Variants in PGAP1 observed in about 807,000 individuals in gnomAD.
The protein encoded by PGAP1 is GPI inositol-deacylase.
In PGAP1, 76 loss-of-function variants were observed where a neutral mutation model predicts 127.0. The ratio of observed to expected loss-of-function variants is 0.60; its 90% CI spans 0.50 to 0.72. The LOEUF (loss-of-function observed/expected upper bound fraction) is 0.72, where lower values mean the gene tolerates loss of function less well. Ranked by LOEUF, PGAP1 falls within the 30% of genes least tolerant of loss-of-function variation. The probability of loss-of-function intolerance (pLI) is 0.00; values close to 1 mark genes in which losing one functional copy is unlikely to be tolerated. For synonymous variants in PGAP1, 362 were observed against 366.5 expected (o/e 0.99, Z 0.14); for missense variants, 982 against 1,071.3 (o/e 0.92, Z 1.16).
At chr2:196,866,809 G>A (rs1701257218) in intron 19 of PGAP1, among the ~76,000 whole-genome samples, 1 of 151,934 alleles carries the variant, frequency 6.6e-6, no homozygotes, top group Non-Finnish European at 1.5e-5. Context: ...AGTGGGCAAA[G>A]GATATGAACA....
At chr2:196,914,354 C>G (rs1197968472) in intron 3 of PGAP1, among the ~76,000 whole-genome samples, 1 of 152,176 alleles carries the variant, frequency 6.6e-6, no homozygotes, top group Non-Finnish European at 1.5e-5. Flanking sequence ...GGTCCGGTGG[C>G]TCACACCTGT....
chr2:196,885,311 A>G (rs896902889), intron 12 of PGAP1, 113 bp downstream of exon 12: 11 of 663,000 alleles, frequency 1.7e-5, no homozygotes, highest in Non-Finnish European at 2.8e-5. Flanking sequence ...AGGTTAGTAA[A>G]TCTCAAGTTT....
intron 14 of PGAP1, among the ~76,000 whole-genome samples, chr2:196,874,707 T>C (rs1340472404): frequency 1.3e-5 from 2 of 152,112 alleles, no homozygotes; most frequent in Non-Finnish European, 2.9e-5. Flanking sequence ...ATACATAACC[T>C]CAATCTAATC....
chr2:196,860,750 C>T (rs1424111033), intron 20 of PGAP1, among the ~76,000 whole-genome samples: 3 of 152,144 alleles, frequency 2.0e-5, no homozygotes, highest in African/African-American at 7.2e-5. Flanking sequence ...CATTGTTAAA[C>T]TGTCTATACT....
intron 20 of PGAP1, among the ~76,000 whole-genome samples, chr2:196,857,941 A>G (rs1291725979): frequency 6.6e-6 from 1 of 152,168 alleles, no homozygotes; most frequent in African/African-American, 2.4e-5. Context: ...GCATAAGTTT[A>G]CTGTAGCACA....
intron 12 of PGAP1, among the ~76,000 whole-genome samples, chr2:196,880,735 G>A (rs1349550800): frequency 6.6e-6 from 1 of 152,034 alleles, no homozygotes; most frequent in Admixed American, 6.5e-5. Flanking sequence ...CACCAAATAA[G>A]TAATTATTTA....
At chr2:196,903,737 T>C (rs1702582095) in intron 4 of PGAP1, among the ~76,000 whole-genome samples, 1 of 152,210 alleles carries the variant, frequency 6.6e-6, no homozygotes, top group Non-Finnish European at 1.5e-5. Flanking sequence ...TCAACCCATT[T>C]ATTGTAACAA....
At chr2:196,905,742 G>A (rs1297423787) in intron 4 of PGAP1, among the ~76,000 whole-genome samples, 4 of 147,228 alleles carry the variant, frequency 2.7e-5, no homozygotes, top group Non-Finnish European at 4.5e-5. Context: ...CAGTGTGTGC[G>A]CGCACCGTGC....
chr2:196,847,840 A>G (rs1050969805), intron 21 of PGAP1, 107 bp downstream of exon 21: 4 of 789,682 alleles, frequency 5.1e-6, no homozygotes, highest in Non-Finnish European at 7.4e-6. Context: ...TTAATGAAAC[A>G]AGTCAACTGC....
intron 14 of PGAP1, 55 bp from the exon 15 acceptor site, chr2:196,873,813 A>C: frequency 8.6e-7 from 1 of 1,164,666 alleles, no homozygotes; most frequent in South Asian, 1.3e-5. Context: ...TTTTAAAAAC[A>C]TACTGATTAT....
At chr2:196,851,081 C>T (rs192662187) in intron 20 of PGAP1, among the ~76,000 whole-genome samples, 3 of 151,666 alleles carry the variant, frequency 2.0e-5, no homozygotes, top group Admixed American at 6.6e-5. Flanking sequence ...GGAGAACAGA[C>T]CTTACAGATA....
chr2:196,904,962 T>C (rs1018680095), intron 4 of PGAP1, among the ~76,000 whole-genome samples: 3 of 152,160 alleles, frequency 2.0e-5, no homozygotes, highest in African/African-American at 7.2e-5. Flanking sequence ...TCTGAGGTCA[T>C]ATGGATCTCT....
At chr2:196,878,240 C>G (rs442835) in intron 13 of PGAP1, among the ~76,000 whole-genome samples, 40,479 of 152,050 alleles carry the variant, frequency 0.27, 6,472 homozygotes, top group African/African-American at 0.45. Flanking sequence ...TATACATAAT[C>G]ACATATCTTG....
At chr2:196,911,619 A>G (rs1251614215) in intron 4 of PGAP1, among the ~76,000 whole-genome samples, 5 of 148,364 alleles carry the variant, frequency 3.4e-5, no homozygotes, top group African/African-American at 1.2e-4. Flanking sequence ...AAAAAAAAAA[A>G]AAAAAAAAAA....
chr2:196,923,715 A>T (rs6740630), intron 1 of PGAP1, among the ~76,000 whole-genome samples: 1 of 151,010 alleles, frequency 6.6e-6, no homozygotes, highest in Non-Finnish European at 1.5e-5. Context: ...GCCTGGAGTG[A>T]AATGGCACAA....
chr2:196,837,997 A>G lies in PGAP1; in HGVS notation c.*3237T>C, dbSNP rs1700282537. The G allele has an allele frequency of 6.6e-6, 1 of 151,640 alleles. No homozygotes were observed. The highest frequency in any genetic ancestry group is 2.4e-5 in the African/African-American group (1 of 40,978). The allele number at this position is 151,640 out of a possible 1,614,324, so 9.4% of individuals were successfully genotyped here. A position where few individuals can be genotyped will look rare whatever the true frequency, so the allele number is the denominator to read the frequency against. On this transcript the variant is annotated 3_prime_UTR_variant, in exon 27 of 27. Coordinates refer to ENST00000354764, the MANE Select transcript of PGAP1 (RefSeq NM_024989.4). ...TTTTCATTCTGGTGATAACCAAGAG[A>G]AAAAAAAGAGTTAGCAGAACCTGTT... is the stretch of plus-strand genomic sequence containing the variant.
At chr2:196,883,484 GC>G (rs774915849) in intron 12 of PGAP1, among the ~76,000 whole-genome samples, 1 of 152,224 alleles carries the variant, frequency 6.6e-6, no homozygotes, top group Non-Finnish European at 1.5e-5. Context: ...ATAAGCCACA[GC>G]TACAGGCAGC....
chr2:196,860,310 T>C (rs1321029409), intron 20 of PGAP1, among the ~76,000 whole-genome samples: 5 of 152,102 alleles, frequency 3.3e-5, no homozygotes, highest in African/African-American at 1.2e-4. Flanking sequence ...AGCAGGTGGA[T>C]CATTTGAGGT....
chr2:196,866,577 TA>T (rs1397330984), intron 19 of PGAP1, among the ~76,000 whole-genome samples: 1 of 152,022 alleles, frequency 6.6e-6, no homozygotes, highest in Non-Finnish European at 1.5e-5. Context: ...ACTTCATGAC[TA>T]AAACACCAAA....
Sources: allele counts gnomAD v4.1 joint callset (sites outside exome capture counted in the v4.1 genomes callset), GRCh38; gene constraint gnomAD v4.1.1; transcripts MANE v1.5; gene names NCBI Gene and HGNC (gene_info 2026-07-23, HGNC 2026-07-21).